The following MDK variants were observed in gnomAD, a reference collection of about 807,000 sequenced individuals.
The protein encoded by MDK is midkine.
MDK carries 17 observed loss-of-function variants against 18.9 expected under a neutral mutation model. The ratio of observed to expected loss-of-function variants is 0.90; its 90% CI spans 0.62 to 1.35. The LOEUF is 1.35. Among genes scored for constraint, MDK ranks in the 40% most tolerant of loss-of-function variants. MDK has a pLI of 0.00. For missense variants in MDK, 180 were observed against 186.3 expected, an observed-to-expected ratio of 0.97 and a Z score of 0.20; for synonymous variants, 86 against 74.3, an observed-to-expected ratio of 1.16 and a Z score of -0.81.
chr11:46,381,968 T>C, intron 1 of MDK, 89 bp from the exon 2 acceptor site: 3 of 1,384,694 alleles, frequency 2.2e-6, no homozygotes, highest in South Asian at 2.5e-5. Flanking sequence ...GCCTGGAAAG[T>C]GGAGCACGCG....
At chr11:46,381,890 G>T (rs893158479) in intron 1 of MDK, 132 bp downstream of exon 1, 18 of 676,324 alleles carry the variant, frequency 2.7e-5, no homozygotes, top group Non-Finnish European at 3.9e-5. Context: ...TTAGCGGTGC[G>T]TCCGGGCTAG....
intron 4 of MDK, 41 bp downstream of exon 4, chr11:46,382,789 TGC>T: frequency 4.3e-5 from 17 of 399,432 alleles, no homozygotes; most frequent in African/African-American, 6.5e-5. Flanking sequence ...CGCGGGGGGC[TGC>T]CCCCCCCCCC....
At chr11:46,381,908 G>T in intron 1 of MDK, 149 bp from the exon 2 acceptor site, 3 of 783,234 alleles carry the variant, frequency 3.8e-6, no homozygotes, top group South Asian at 3.6e-5. Context: ...TAGCGGCGAG[G>T]GGCCGCCCCA....
Position 46,382,427 on chromosome 11 carries a change from C to T in MDK, c.210C>T (p.Cys70=). 6.5e-7 allele frequency: 1 copy of T among 1,533,190 alleles called. No homozygotes were observed. Among genetic ancestry groups the T allele is most frequent in the South Asian group, 1.3e-5 (1 of 79,572 alleles). 95.0% of individuals were successfully genotyped at this position (1,533,190 alleles called of 1,614,324 possible). A position where few individuals can be genotyped will look rare whatever the true frequency, so the allele number is the denominator to read the frequency against. ...GGGCCCAGACCCAGCGCATCCGGTG[C>T]AGGGTGCCCTGCAACTGGAAGAAGG... ...TCGAQTQRIR[C]RVPCNWKKEF... Residue 70 remains cysteine, a synonymous_variant, in exon 3 of 5, where the codon TGC becomes TGT. Coordinates refer to ENST00000395566, the MANE Select transcript of MDK (RefSeq NM_002391.6).
At chr11:46,382,790 G>GGGGGGGGGCC in intron 4 of MDK, 42 bp downstream of exon 4, 149 of 986,848 alleles carry the variant, frequency 1.5e-4, no homozygotes, top group Middle Eastern at 6.4e-4. Context: ...GCGGGGGGCT[G>GGGGGGGGGCC]CCCCCCCCCC....
chr11:46,383,659 A>G lies in MDK; in HGVS notation c.*165A>G, dbSNP rs1231354996. 1.4e-6 allele frequency: 1 copy of G among 721,984 alleles called. No homozygotes were observed. Among genetic ancestry groups the G allele is most frequent in the Admixed American group, 2.0e-5 (1 of 50,040 alleles). The allele number at this position is 721,984 out of a possible 1,614,324, so 44.7% of individuals were successfully genotyped here. A position where few individuals can be genotyped will look rare whatever the true frequency, so the allele number is the denominator to read the frequency against. On this transcript the variant is annotated 3_prime_UTR_variant, in exon 5 of 5. Transcript: ENST00000395566. Reference sequence around the variant, plus strand: ...CTCTCACTCCCCAGCCCCACCCCTAAGTGCCCAAAGTGGGGAGGGACAAGG... The same window carrying G: ...CTCTCACTCCCCAGCCCCACCCCTAGGTGCCCAAAGTGGGGAGGGACAAGG...
chr11:46,381,939 C>A, intron 1 of MDK, 118 bp from the exon 2 acceptor site: 1 of 1,128,406 alleles, frequency 8.9e-7, no homozygotes, highest in Non-Finnish European at 1.3e-6. Context: ...CCGCCGCCAC[C>A]TTAGCAGCCC....
At chr11:46,382,489 G>T in intron 3 of MDK, 28 bp downstream of exon 3, 1 of 1,526,964 alleles carries the variant, frequency 6.5e-7, no homozygotes, top group East Asian at 2.4e-5. Flanking sequence ...CAGAGGGCAG[G>T]AGACGGGGGG....
intron 4 of MDK, 43 bp downstream of exon 4, chr11:46,382,791 C>CG: frequency 3.1e-5 from 2 of 63,852 alleles, no homozygotes; most frequent in Non-Finnish European, 2.6e-5. Context: ...CGGGGGGCTG[C>CG]CCCCCCCCCC....
At chr11:46,383,357 A>AG (rs1945277824) in intron 4 of MDK, 112 bp from the exon 5 acceptor site, 4 of 787,784 alleles carry the variant, frequency 5.1e-6, no homozygotes, top group Non-Finnish European at 8.3e-6. Context: ...GGAAACCACT[A>AG]GGGGGCAGAA....
rs749484092 is a variant in MDK at position 46,382,122 on chromosome 11, C to T, written c.65C>T (p.Ala22Val). The change falls in exon 2 of 5, where the codon GCC (alanine) becomes GTC (valine). Residue 22 changes from alanine (A) to valine (V), a missense_variant. Physicochemically the swap from Ala to Val is moderately conservative, Grantham distance 64. Transcript: ENST00000395566. ...CTGCTGGCGCTCACCTCCGCGGTCGCCAAAAAGAAAGGTGATGGGGGATGA... is the reference window on the plus strand; with the variant it reads ...CTGCTGGCGCTCACCTCCGCGGTCGTCAAAAAGAAAGGTGATGGGGGATGA... ...LALLALTSAV[A>V]KKKDKVKKGG... The T allele has an allele frequency of 2.5e-6, 4 of 1,611,180 alleles. No individual in the cohort carries two copies. Among genetic ancestry groups the T allele is most frequent in the East Asian group, 4.5e-5 (2 of 44,826 alleles).
rs1945284244 is a variant in MDK, at chr11:46,383,493, A to G, written c.431A>G (p.Ter144TrpextTer37). ...AKAKKGKGKD[*>W] is the part of the protein sequence containing the mutation. The stretch of plus-strand genomic sequence containing the variant: ...GCCAAGAAAGGGAAGGGAAAGGACT[A>G]GACGCCAAGCCTGGATGCCAAGGAG... Residue 144 changes from the stop codon to tryptophan, a stop_lost, in exon 5 of 5, where the codon TAG becomes TGG. Coordinates refer to ENST00000395566, the MANE Select transcript of MDK (RefSeq NM_002391.6). 1.2e-6 allele frequency: 2 copies of G among 1,611,580 alleles called. No homozygotes were observed. The highest frequency in any genetic ancestry group is 1.7e-5 in the Admixed American group (1 of 59,608).
rs1945211237 is a variant in MDK at position 46,382,130 on chromosome 11, A to G, written c.73A>G (p.Lys25Glu). Reference protein sequence around the residue: ...LALTSAVAKKKDKVKKGGPGS... With the variant: ...LALTSAVAKKEDKVKKGGPGS... The stretch of plus-strand genomic sequence containing the variant: ...GCTCACCTCCGCGGTCGCCAAAAAG[A>G]AAGGTGATGGGGGATGATCGAAGGA... The change falls in exon 2 of 5, where the codon AAA becomes GAA. Residue 25 changes from lysine (K) to glutamate (E), a missense_variant. Lys to Glu is a moderately conservative substitution (Grantham distance 56). Coordinates refer to ENST00000395566, the MANE Select transcript of MDK (RefSeq NM_002391.6). 1 of 1,611,178 alleles carries G rather than the reference A, an allele frequency of 6.2e-7. No homozygotes were observed. Among genetic ancestry groups the G allele is most frequent in the Admixed American group, 1.7e-5 (1 of 59,782 alleles).
At chr11:46,383,100 G>T in intron 4 of MDK, 1 of 434,596 alleles carries the variant, frequency 2.3e-6, no homozygotes. Flanking sequence ...TCTAGTGTTG[G>T]GAGGAGGTCA....
At chr11:46,382,790 G>GGGGGGGGGGGGCC (rs1945254785) in intron 4 of MDK, 42 bp downstream of exon 4, 57 of 986,986 alleles carry the variant, frequency 5.8e-5, no homozygotes, top group Middle Eastern at 3.2e-4. Flanking sequence ...GCGGGGGGCT[G>GGGGGGGGGGGGCC]CCCCCCCCCC....
Position 46,383,579 on chromosome 11 carries a change from CA to C in MDK, c.*86del. 8.3e-7 allele frequency: 1 copy of C among 1,200,382 alleles called. No individual in the cohort carries two copies. The highest frequency in any genetic ancestry group is 1.2e-5 in the South Asian group (1 of 82,720). The allele number at this position is 1,200,382 out of a possible 1,614,324, so 74.4% of individuals were successfully genotyped here. On this transcript the variant is annotated 3_prime_UTR_variant, in exon 5 of 5. Coordinates refer to ENST00000395566, the MANE Select transcript of MDK (RefSeq NM_002391.6). ...CCTCTCCCAGGCCCGAGATGTGACC[CA>C]CCAGTGCCTTCTGTCTGCTCGTTAG...
intron 1 of MDK, 81 bp downstream of exon 1, chr11:46,381,839 G>T: frequency 1.9e-6 from 1 of 540,074 alleles, no homozygotes; most frequent in Non-Finnish European, 3.3e-6. Flanking sequence ...GGGGGTCTGA[G>T]CTGCGTCCTG....
Position 46,382,287 on chromosome 11 carries a change from G to A in MDK, c.77-7G>A. On this transcript the variant is annotated splice_polypyrimidine_tract_variant and splice_region_variant and intron_variant, in intron 2 of 4. Transcript: ENST00000395566. ...CAGTCCTGAACTCTGTTCCTCGCGC[G>A]TTGTAGATAAGGTGAAGAAGGGCGG... 6.2e-7 allele frequency: 1 copy of A among 1,607,242 alleles called. No homozygotes were observed.
rs1945295878 is a variant in MDK at position 46,383,779 on chromosome 11, A to G, written c.*285A>G. The G allele has an allele frequency of 1.9e-6, 1 of 523,148 alleles. No individual in the cohort carries two copies. 32.4% of individuals were successfully genotyped at this position (523,148 alleles called of 1,614,324 possible). On this transcript the variant is annotated 3_prime_UTR_variant, in exon 5 of 5. Coordinates refer to ENST00000395566, the MANE Select transcript of MDK (RefSeq NM_002391.6). Reference sequence around the variant, plus strand: ...ATTCCATTACTAAGAAACACATCAAATAAACTGACTTTTTCCCCCCAATAA... The same window carrying G: ...ATTCCATTACTAAGAAACACATCAAGTAAACTGACTTTTTCCCCCCAATAA...
Sources: gnomAD v4.1 joint callset for allele counts on GRCh38, gnomAD v4.1.1 for gene constraint, MANE v1.5 for transcripts, NCBI Gene and HGNC (gene_info 2026-07-23, HGNC 2026-07-21) for gene names.